Variants in CTNND2 observed in about 807,000 individuals in gnomAD.
The protein encoded by CTNND2 is catenin delta 2.
Under a neutral mutation model 144.4 loss-of-function variants are expected in CTNND2, and 22 were observed. That is an observed-to-expected ratio of 0.15 (90% CI 0.11 to 0.22). CTNND2 has a LOEUF of 0.22. Ranked by LOEUF, CTNND2 falls within the 10% of genes least tolerant of loss-of-function variation. CTNND2 has a pLI of 1.00. For synonymous variants in CTNND2, 751 were observed against 695.6 expected, an observed-to-expected ratio of 1.08 and a Z score of -1.25; for missense variants, 1,353 against 1,618.8, an observed-to-expected ratio of 0.84 and a Z score of 2.82.
chr5:11,724,902 G>C (rs1009882460), intron 2 of CTNND2, among the ~76,000 whole-genome samples: 1 of 143,044 alleles, frequency 7.0e-6, no homozygotes, highest in Non-Finnish European at 1.5e-5. Context: ...AAGATTACCT[G>C]TCAAAAGTGA....
chr5:11,456,316 C>CTT (rs76539757), intron 3 of CTNND2, among the ~76,000 whole-genome samples: 12 of 139,760 alleles, frequency 8.6e-5, no homozygotes, highest in East Asian at 6.1e-4. Flanking sequence ...CTTTTTGATG[C>CTT]TTTTTTTTTT....
chr5:11,712,491 T>G (rs1786087349), intron 2 of CTNND2, among the ~76,000 whole-genome samples: 1 of 152,160 alleles, frequency 6.6e-6, no homozygotes, highest in Admixed American at 6.5e-5. Flanking sequence ...CTGAAATGTT[T>G]GTACTGTTCT....
In CTNND2 at chr5:11,382,595, C is replaced by CTGTGTGTG. The variant is rs71582432; in HGVS notation, c.1177+2062_1177+2069dup. 6.5e-3 allele frequency among the ~76,000 whole-genome samples: 845 copies of CTGTGTGTG among 130,138 alleles called. 6 individuals are homozygous for CTGTGTGTG. Among genetic ancestry groups the CTGTGTGTG allele is most frequent in the Middle Eastern group, 0.011 (3 of 262 alleles). 85.4% of individuals were successfully genotyped at this position (130,138 alleles called of 152,430 possible). A position where few individuals can be genotyped will look rare whatever the true frequency, so the allele number is the denominator to read the frequency against. ...CCTGGGCAACCGACAGAGTGAGACT[C>CTGTGTGTG]TGTGTGTGTGTGTGTGTGTGTGTGT... On this transcript the variant is annotated intron_variant, in intron 7 of 21. Coordinates refer to ENST00000304623, the MANE Select transcript of CTNND2 (RefSeq NM_001332.4).
intron 6 of CTNND2, among the ~76,000 whole-genome samples, chr5:11,387,805 T>C (rs1369389720): frequency 6.6e-6 from 1 of 152,210 alleles, no homozygotes. Flanking sequence ...TAATAAATAC[T>C]AACTAAAGCA....
At chr5:11,136,092 G>A (rs1756118590) in intron 12 of CTNND2, among the ~76,000 whole-genome samples, 1 of 152,156 alleles carries the variant, frequency 6.6e-6, no homozygotes, top group African/African-American at 2.4e-5. Context: ...ATCTGAGGAT[G>A]CAGGAAGGTA....
chr5:11,393,154 TTAAA>T (rs1759780410), intron 6 of CTNND2, among the ~76,000 whole-genome samples: 1 of 152,240 alleles, frequency 6.6e-6, no homozygotes, highest in African/African-American at 2.4e-5. Context: ...CAGCACAACA[TTAAA>T]TAGATAAGCC....
chr5:11,438,133 G>A (rs1438118701), intron 3 of CTNND2, among the ~76,000 whole-genome samples: 1 of 152,174 alleles, frequency 6.6e-6, no homozygotes, highest in African/African-American at 2.4e-5. Flanking sequence ...GCTGTGTATT[G>A]TGGACTGGAT....
intron 5 of CTNND2, among the ~76,000 whole-genome samples, chr5:11,410,057 C>T (rs1298799662): frequency 6.6e-6 from 1 of 152,030 alleles, no homozygotes; most frequent in Non-Finnish European, 1.5e-5. Context: ...CGTTTCCCAA[C>T]AAGGCAAACT....
rs962412314 is a variant in CTNND2, at chr5:11,396,641, CT to C, written c.612+389del. Reference sequence around the variant, plus strand: ...TCAAAAACCACAAAGCAATCCCATGCTTTTTTTTAGGAGACACAATACTCAG... The same window carrying C: ...TCAAAAACCACAAAGCAATCCCATGCTTTTTTTAGGAGACACAATACTCAG... On this transcript the variant is annotated intron_variant, in intron 6 of 21. Transcript: ENST00000304623. 3.0e-4 allele frequency among the ~76,000 whole-genome samples: 45 copies of C among 151,910 alleles called. 1 individual carries two copies. In the East Asian group the frequency reaches 4.1e-3, roughly 14 times the overall value.
chr5:11,501,355 G>C (rs1770506410), intron 3 of CTNND2, among the ~76,000 whole-genome samples: 1 of 152,166 alleles, frequency 6.6e-6, no homozygotes, highest in African/African-American at 2.4e-5. Context: ...ACTCCTGCGA[G>C]AATGAGAATG....
intron 9 of CTNND2, among the ~76,000 whole-genome samples, chr5:11,269,275 A>G (rs1745765554): frequency 6.6e-6 from 1 of 152,364 alleles, no homozygotes; most frequent in African/African-American, 2.4e-5. Context: ...TGAATCACTC[A>G]TCTTTATTTG....
intron 1 of CTNND2, among the ~76,000 whole-genome samples, chr5:11,820,764 AG>A (rs1325049228): frequency 6.6e-6 from 1 of 152,222 alleles, no homozygotes; most frequent in African/African-American, 2.4e-5. Flanking sequence ...GAACAAGTTG[AG>A]TAAACTCTTT....
intron 16 of CTNND2, among the ~76,000 whole-genome samples, chr5:11,061,867 C>G (rs1033322969): frequency 6.6e-6 from 1 of 152,114 alleles, no homozygotes; most frequent in Non-Finnish European, 1.5e-5. Flanking sequence ...CACTACCACA[C>G]CCGGCTAATT....
chr5:11,833,867 T>C (rs1794036895), intron 1 of CTNND2, among the ~76,000 whole-genome samples: 1 of 152,176 alleles, frequency 6.6e-6, no homozygotes, highest in Admixed American at 6.5e-5. Context: ...CACATGATAG[T>C]ACACATTTTG....
intron 8 of CTNND2, among the ~76,000 whole-genome samples, chr5:11,349,238 G>A (rs548344298): frequency 3.3e-5 from 5 of 152,202 alleles, no homozygotes; most frequent in African/African-American, 4.8e-5. Flanking sequence ...GAAATCAACC[G>A]ACAGTAGGAA....
chr5:11,133,374 C>T (rs944849981), intron 12 of CTNND2, among the ~76,000 whole-genome samples: 4 of 151,612 alleles, frequency 2.6e-5, no homozygotes, highest in Non-Finnish European at 4.4e-5. Flanking sequence ...TTTTTTGAGA[C>T]GCAGTTTCAC....
At chr5:11,526,064 T>G (rs577273610) in intron 3 of CTNND2, among the ~76,000 whole-genome samples, 1 of 152,210 alleles carries the variant, frequency 6.6e-6, no homozygotes, top group East Asian at 1.9e-4. Context: ...CCACCACACA[T>G]GGCTAATTTT....
chr5:11,713,583 C>CAAA (rs1165519277), intron 2 of CTNND2, among the ~76,000 whole-genome samples: 822 of 57,680 alleles, frequency 0.014, 35 homozygotes, highest in African/African-American at 0.038. Flanking sequence ...GACTCCATCT[C>CAAA]AAAAAAAAAA....
At chr5:11,311,264 TCA>T (rs1750807954) in intron 9 of CTNND2, among the ~76,000 whole-genome samples, 1 of 99,066 alleles carries the variant, frequency 1.0e-5, no homozygotes, top group Non-Finnish European at 2.1e-5. Flanking sequence ...ACTCTCACAC[TCA>T]CTCCATGCAC....
Sources: gnomAD v4.1 joint callset for allele counts (sites outside exome capture counted in the v4.1 genomes callset) on GRCh38, gnomAD v4.1.1 for gene constraint, MANE v1.5 for transcripts, NCBI Gene and HGNC (gene_info 2026-07-23, HGNC 2026-07-21) for gene names.